Variants in RIMS2 observed in about 807,000 individuals in gnomAD.
The protein encoded by RIMS2 is regulating synaptic membrane exocytosis 2, also known as regulating synaptic membrane exocytosis protein 2.
Under a neutral mutation model 174.4 loss-of-function variants are expected in RIMS2, and 59 were observed. The observed-to-expected ratio is 0.34, with a 90% CI of 0.27 to 0.42. RIMS2 has a LOEUF of 0.42. Among genes scored for constraint, RIMS2 ranks in the 10% least tolerant of loss-of-function variants. The pLI, the probability that RIMS2 is intolerant of heterozygous loss-of-function variation, is 1.00. For synonymous variants in RIMS2, 606 were observed against 572.5 expected (o/e 1.06, Z -0.84); for missense variants, 1,620 against 1,666.3 (o/e 0.97, Z 0.48).
intron 1 of RIMS2, among the ~76,000 whole-genome samples, chr8:103,570,040 A>G (rs1335259279): frequency 6.6e-6 from 1 of 152,214 alleles, no homozygotes; most frequent in Non-Finnish European, 1.5e-5. Context: ...GTATCCTGCA[A>G]TTAGTTTTAA....
chr8:103,605,865 A>G (rs1174072574), intron 1 of RIMS2, among the ~76,000 whole-genome samples: 2 of 150,376 alleles, frequency 1.3e-5, no homozygotes, highest in Admixed American at 6.6e-5. Flanking sequence ...ATCATTTTTT[A>G]TTGCGTCTAT....
At chr8:104,086,733 G>A (rs2097543664) in intron 19 of RIMS2, among the ~76,000 whole-genome samples, 1 of 152,082 alleles carries the variant, frequency 6.6e-6, no homozygotes, top group Non-Finnish European at 1.5e-5. Flanking sequence ...ATGTTTCAAA[G>A]ACTTCCCTGA....
exon 23 of RIMS2, chr8:104,251,134 G>A (rs549202122): frequency 1.5e-5 from 24 of 1,612,794 alleles, no homozygotes; most frequent in Admixed American, 3.3e-5. Context: ...ATTATCTTTC[G>A]AAGAGAGTCC....
chr8:103,886,118 A>G (rs2099199306), exon 4 of RIMS2: 1 of 1,612,980 alleles, frequency 6.2e-7, no homozygotes, highest in Non-Finnish European at 8.5e-7. Flanking sequence ...AGGCGGTAAA[A>G]TGCGCCAGAT....
intron 1 of RIMS2, among the ~76,000 whole-genome samples, chr8:103,574,655 G>T (rs1229814541): frequency 6.6e-6 from 1 of 152,070 alleles, no homozygotes; most frequent in Non-Finnish European, 1.5e-5. Flanking sequence ...TGGTTCTTGG[G>T]ACTCCCTGCG....
chr8:104,008,017 T>C (rs1276113532), intron 17 of RIMS2, among the ~76,000 whole-genome samples: 1 of 152,114 alleles, frequency 6.6e-6, no homozygotes, highest in Non-Finnish European at 1.5e-5. Context: ...AATTGATCAG[T>C]GAAACTATTG....
At chr8:103,916,568 T>C in intron 8 of RIMS2, 31 bp downstream of exon 11, 1 of 1,560,624 alleles carries the variant, frequency 6.4e-7, no homozygotes, top group Non-Finnish European at 8.7e-7. Context: ...TATATGTGTG[T>C]GAAGTTGAAT....
intron 1 of RIMS2, among the ~76,000 whole-genome samples, chr8:103,640,391 T>A (rs2096202838): frequency 6.6e-6 from 1 of 151,964 alleles, no homozygotes; most frequent in Non-Finnish European, 1.5e-5. Context: ...CATTGATTTT[T>A]AACTTTTATT....
intron 1 of RIMS2, among the ~76,000 whole-genome samples, chr8:103,646,208 T>C (rs1275295835): frequency 6.6e-6 from 1 of 152,072 alleles, no homozygotes; most frequent in Non-Finnish European, 1.5e-5. Context: ...GCCATCTGGA[T>C]GTGTAGGAGC....
chr8:103,920,190 A>C (rs532360800), intron 9 of RIMS2, among the ~76,000 whole-genome samples: 29 of 152,204 alleles, frequency 1.9e-4, no homozygotes, highest in Non-Finnish European at 1.3e-4. Flanking sequence ...TTTTTTTCCA[A>C]GCCCCTGTCC....
chr8:104,085,413 C>T (rs968394385), intron 19 of RIMS2, among the ~76,000 whole-genome samples: 4 of 152,146 alleles, frequency 2.6e-5, no homozygotes, highest in Admixed American at 1.3e-4. Context: ...TAAACCCCAC[C>T]CTAGATTCCT....
rs527963848 is a variant in RIMS2, at chr8:103,825,546, A to G, written c.698+59009A>G. ...GCGATCCACCTGCCTCACCTTCCAA[A>G]GTGCAGGGATTACAGACATGAGCCA... On this transcript the variant is annotated intron_variant, in intron 3 of 23. Coordinates refer to ENST00000504942, the Ensembl canonical transcript of RIMS2. Among the ~76,000 whole-genome samples the G allele has an allele frequency of 8.6e-5, 13 of 151,624 alleles. No individual in the cohort carries two copies. In the East Asian group the frequency reaches 2.3e-3, roughly 27 times the overall value.
At chr8:103,686,634 C>T (rs143236755) in intron 1 of RIMS2, among the ~76,000 whole-genome samples, 2 of 152,126 alleles carry the variant, frequency 1.3e-5, no homozygotes, top group African/African-American at 4.8e-5. Context: ...CTAAGATAAA[C>T]ATCACCTATT....
intron 3 of RIMS2, among the ~76,000 whole-genome samples, chr8:103,826,088 T>C (rs887009904): frequency 1.2e-4 from 18 of 152,190 alleles, no homozygotes; most frequent in African/African-American, 4.1e-4. Context: ...GTGTCCAATA[T>C]TTTTTAAATT....
chr8:103,636,800 CCA>C (rs57760382), intron 1 of RIMS2, among the ~76,000 whole-genome samples: 3,209 of 25,772 alleles, frequency 0.12, 107 homozygotes, highest in East Asian at 0.36. Context: ...CCCCCCCCCC[CCA>C]CACACACACA....
intron 19 of RIMS2, among the ~76,000 whole-genome samples, chr8:104,238,530 A>G (rs1391633483): frequency 6.6e-6 from 1 of 152,104 alleles, no homozygotes; most frequent in Admixed American, 6.6e-5. Flanking sequence ...ACAGAGGTTG[A>G]TGAAGGTGCT....
At chr8:103,605,739 G>A (rs1209976748) in intron 1 of RIMS2, among the ~76,000 whole-genome samples, 1 of 152,146 alleles carries the variant, frequency 6.6e-6, no homozygotes. Context: ...GAGAGTGTAT[G>A]TGTCGAGGAA....
intron 1 of RIMS2, among the ~76,000 whole-genome samples, chr8:103,549,034 G>A (rs1846377299): frequency 6.6e-6 from 1 of 151,972 alleles, no homozygotes; most frequent in Admixed American, 6.6e-5. Context: ...ACAGACAAAT[G>A]GAAAAACATT....
chr8:103,680,642 T>C (rs757786411), intron 1 of RIMS2, among the ~76,000 whole-genome samples: 3 of 151,988 alleles, frequency 2.0e-5, no homozygotes, highest in Non-Finnish European at 2.9e-5. Flanking sequence ...ATAGGCTATA[T>C]AGTATACGCC....
Sources: gnomAD v4.1 joint callset for allele counts (sites outside exome capture counted in the v4.1 genomes callset) on GRCh38, gnomAD v4.1.1 for gene constraint, MANE v1.5 for transcripts, NCBI Gene and HGNC (gene_info 2026-07-23, HGNC 2026-07-21) for gene names.